The following GALNT17 variants were observed in gnomAD, a reference collection of about 807,000 sequenced individuals.
GALNT17 encodes UDP-GalNAc:polypeptide N-acetylgalactosaminyltransferase-like 3.
In GALNT17, 29 loss-of-function variants were observed where a neutral mutation model predicts 63.7. The observed-to-expected ratio is 0.46, with a 90% CI of 0.34 to 0.62. The LOEUF is 0.62. Among genes scored for constraint, GALNT17 ranks in the 20% least tolerant of loss-of-function variants. The probability of loss-of-function intolerance (pLI) is 0.01; values close to 1 mark genes in which losing one functional copy is unlikely to be tolerated. For missense variants in GALNT17, 603 were observed against 799.6 expected, an observed-to-expected ratio of 0.75 and a Z score of 2.97; for synonymous variants, 305 against 318.3, an observed-to-expected ratio of 0.96 and a Z score of 0.45.
At chr7:71,535,061 GTTTTGTAT>G (rs1451628916) in intron 5 of GALNT17, among the ~76,000 whole-genome samples, 1 of 152,176 alleles carries the variant, frequency 6.6e-6, no homozygotes, top group Non-Finnish European at 1.5e-5. Context: ...AACATGCCTA[GTTTTGTAT>G]TTTCTTTTGT....
At chr7:71,602,086 A>C (rs185626124) in intron 6 of GALNT17, among the ~76,000 whole-genome samples, 1 of 152,268 alleles carries the variant, frequency 6.6e-6, no homozygotes, top group East Asian at 1.9e-4. Flanking sequence ...TATGCTCCCG[A>C]CTTCCCCCGG....
At chr7:71,575,775 A>T (rs1789527679) in intron 6 of GALNT17, among the ~76,000 whole-genome samples, 1 of 152,096 alleles carries the variant, frequency 6.6e-6, no homozygotes, top group South Asian at 2.1e-4. Flanking sequence ...TTCCATCCTC[A>T]GTAAGTAAAG....
chr7:71,247,439 T>G (rs1001547504), intron 1 of GALNT17, among the ~76,000 whole-genome samples: 1 of 152,090 alleles, frequency 6.6e-6, no homozygotes, highest in Non-Finnish European at 1.5e-5. Flanking sequence ...TCCTAGAAAC[T>G]TCACTACTAA....
chr7:71,383,908 A>C (rs1397099172), intron 2 of GALNT17, among the ~76,000 whole-genome samples: 1 of 152,162 alleles, frequency 6.6e-6, no homozygotes. Context: ...ATAATGCTCT[A>C]TGAACATGCG....
chr7:71,433,136 A>C (rs1337467699), intron 5 of GALNT17, among the ~76,000 whole-genome samples: 1 of 152,138 alleles, frequency 6.6e-6, no homozygotes, highest in Admixed American at 6.5e-5. Context: ...ATAAAGTAAA[A>C]ATAGAGGAAA....
chr7:71,501,389 C>T (rs544322187), intron 5 of GALNT17, among the ~76,000 whole-genome samples: 8 of 151,996 alleles, frequency 5.3e-5, no homozygotes, highest in African/African-American at 1.2e-4. Context: ...CTCAGCCTCC[C>T]GAGTAGCTGG....
intron 1 of GALNT17, among the ~76,000 whole-genome samples, chr7:71,211,206 A>T (rs1026272958): frequency 6.6e-5 from 10 of 151,296 alleles, no homozygotes; most frequent in African/African-American, 2.5e-4. Context: ...TGTGGGAGGG[A>T]CCCAGGGGGA....
At chr7:71,428,808 A>G (rs1425011449) in intron 5 of GALNT17, among the ~76,000 whole-genome samples, 2 of 152,114 alleles carry the variant, frequency 1.3e-5, no homozygotes, top group Non-Finnish European at 2.9e-5. Context: ...TGGGATTTGC[A>G]CACCTTTGTC....
intron 6 of GALNT17, among the ~76,000 whole-genome samples, chr7:71,624,770 T>G (rs1790346590): frequency 6.6e-6 from 1 of 152,216 alleles, no homozygotes; most frequent in Non-Finnish European, 1.5e-5. Flanking sequence ...CACACAATTT[T>G]GTGAGAAATA....
intron 5 of GALNT17, among the ~76,000 whole-genome samples, chr7:71,532,355 T>A (rs1000964351): frequency 6.6e-6 from 1 of 152,100 alleles, no homozygotes; most frequent in African/African-American, 2.4e-5. Flanking sequence ...AGTATCACAG[T>A]TCAAGGTGTA....
rs1334747820 is a variant in GALNT17, at chr7:71,571,410, A to T, written c.1080+8A>T. ...ATTGAACTGGGAATCAAGGTTTGTG[A>T]CATGGTGTCCCTTCCTCTTGGTGTG... On this transcript the variant is annotated splice_region_variant and intron_variant, in intron 6 of 10. Transcript: ENST00000333538. The T allele has an allele frequency of 9.3e-6, 15 of 1,609,480 alleles. No homozygotes were observed. Among genetic ancestry groups the T allele is most frequent in the Non-Finnish European group, 1.2e-5 (14 of 1,176,054 alleles).
chr7:71,185,529 T>A (rs1788833961), intron 1 of GALNT17, among the ~76,000 whole-genome samples: 1 of 148,026 alleles, frequency 6.8e-6, no homozygotes, highest in Non-Finnish European at 1.5e-5. Flanking sequence ...TTTCTTTTTT[T>A]TTTTTTTTTT....
At chr7:71,371,289 T>C (rs1792618979) in intron 2 of GALNT17, among the ~76,000 whole-genome samples, 1 of 152,130 alleles carries the variant, frequency 6.6e-6, no homozygotes, top group African/African-American at 2.4e-5. Flanking sequence ...TTGCTTATGA[T>C]AAAAAAAGAA....
At chr7:71,410,125 G>A (rs1406407360) in intron 3 of GALNT17, among the ~76,000 whole-genome samples, 1 of 152,186 alleles carries the variant, frequency 6.6e-6, no homozygotes, top group Non-Finnish European at 1.5e-5. Context: ...AGGGTCTATT[G>A]TCCTAGTCAT....
chr7:71,190,377 A>G (rs975252077), intron 1 of GALNT17, among the ~76,000 whole-genome samples: 3 of 152,054 alleles, frequency 2.0e-5, no homozygotes, highest in Admixed American at 2.0e-4. Flanking sequence ...ATTTAAAAGT[A>G]TATGGCACCT....
At chr7:71,345,746 T>C (rs1356137901) in intron 2 of GALNT17, among the ~76,000 whole-genome samples, 1 of 152,132 alleles carries the variant, frequency 6.6e-6, no homozygotes. Context: ...AATACCCAAC[T>C]CAAGTTTCCC....
intron 6 of GALNT17, among the ~76,000 whole-genome samples, chr7:71,606,455 CA>C (rs1790049955): frequency 6.6e-6 from 1 of 152,194 alleles, no homozygotes; most frequent in African/African-American, 2.4e-5. Context: ...TTTCTCCTAT[CA>C]TCTTCCATCT....
At chr7:71,237,529 A>AAAAG (rs1562938395) in intron 1 of GALNT17, among the ~76,000 whole-genome samples, 4 of 150,670 alleles carry the variant, frequency 2.7e-5, no homozygotes, top group African/African-American at 7.4e-5. Context: ...AAAAAAAAAA[A>AAAAG]AAAGAAAAAA....
At position 71,288,555 on chromosome 7, in the gene GALNT17, C is replaced by T. The variant is rs553864750; in HGVS notation, c.239-46995C>T. Among the ~76,000 whole-genome samples the T allele has an allele frequency of 2.2e-4, 34 of 152,280 alleles. 1 individual carries two copies. The highest frequency in any genetic ancestry group is 8.2e-4 in the African/African-American group (34 of 41,562). On this transcript the variant is annotated intron_variant, in intron 1 of 10. Transcript: ENST00000333538. ...AAGTATGTATGTGCTCCTCTGATTT[C>T]GGAAGCAGGTTGCAAACTTTCAGAG...
Sources: gnomAD v4.1 joint callset for allele counts (sites outside exome capture counted in the v4.1 genomes callset) on GRCh38, gnomAD v4.1.1 for gene constraint, MANE v1.5 for transcripts, NCBI Gene and HGNC (gene_info 2026-07-23, HGNC 2026-07-21) for gene names.